Variants in ZNF730 observed in about 807,000 individuals in gnomAD.
The protein encoded by ZNF730 is zinc finger protein 730.
A neutral mutation model predicts 12.6 loss-of-function variants in ZNF730; 12 were observed. The observed-to-expected ratio is 0.95, with a 90% CI of 0.61 to 1.54. The LOEUF (loss-of-function observed/expected upper bound fraction) is 1.54. ZNF730 is among the 40% of genes most tolerant of loss of function. The pLI, the probability that ZNF730 is intolerant of heterozygous loss-of-function variation, is 0.00. For synonymous variants in ZNF730, 194 were observed against 195.8 expected (o/e 0.99, Z 0.08); for missense variants, 643 against 583.5 (o/e 1.10, Z -1.05).
intron 1 of ZNF730, among the ~76,000 whole-genome samples, chr19:23,104,668 C>T (rs1005154381): frequency 2.6e-5 from 4 of 152,128 alleles, no homozygotes; most frequent in African/African-American, 4.8e-5. Flanking sequence ...CAACAGGATG[C>T]AACTGGAGAA....
chr19:23,107,475 A>AAAAAAAC lies in ZNF730; in HGVS notation c.-93-26605_-93-26604insAAAAAAC, dbSNP rs752480467. Among the ~76,000 whole-genome samples, 314 of 118,968 alleles carry AAAAAAAC rather than the reference A, an allele frequency of 2.6e-3. 5 individuals are homozygous for AAAAAAAC. The highest frequency in any genetic ancestry group is 5.0e-3 in the Middle Eastern group (1 of 202). The allele number at this position is 118,968 out of a possible 152,430, so 78.0% of individuals were successfully genotyped here. ...AAAAAAAAAAAAAAAAAAAAAAAAA[A>AAAAAAAC]CCACCACAGCTCTGTTTTTTGTTAT... On this transcript the variant is annotated intron_variant, in intron 1 of 2. Transcript: ENST00000593635.
chr19:23,125,977 A>T (rs1476448061), intron 1 of ZNF730, among the ~76,000 whole-genome samples: 3 of 152,232 alleles, frequency 2.0e-5, no homozygotes, highest in African/African-American at 7.2e-5. Context: ...AGTTTAAGGC[A>T]AACATACTAA....
At chr19:23,101,346 CTG>C (rs951596156) in intron 1 of ZNF730, among the ~76,000 whole-genome samples, 1 of 152,342 alleles carries the variant, frequency 6.6e-6, no homozygotes, top group South Asian at 2.1e-4. Context: ...ACATAAGAGT[CTG>C]TGACTTCACT....
At chr19:23,103,213 A>G (rs1243686599) in intron 1 of ZNF730, among the ~76,000 whole-genome samples, 1 of 152,228 alleles carries the variant, frequency 6.6e-6, no homozygotes, top group African/African-American at 2.4e-5. Flanking sequence ...GAGAGAATAA[A>G]AGGTGGTTTT....
At chr19:23,111,873 T>A (rs199670283) in intron 1 of ZNF730, among the ~76,000 whole-genome samples, 1 of 66,042 alleles carries the variant, frequency 1.5e-5, no homozygotes, top group African/African-American at 5.7e-5. Context: ...GTTGGCCATT[T>A]AAAAATAGTC....
intron 1 of ZNF730, among the ~76,000 whole-genome samples, chr19:23,079,385 C>T (rs562693442): frequency 9.9e-5 from 15 of 151,646 alleles, no homozygotes; most frequent in African/African-American, 3.1e-4. Flanking sequence ...CTCCAACTCC[C>T]GACCTCAGGT....
intron 3 of ZNF730, among the ~76,000 whole-genome samples, chr19:23,137,854 G>GAA (rs1970855141): frequency 6.6e-6 from 1 of 152,118 alleles, no homozygotes; most frequent in Non-Finnish European, 1.5e-5. Flanking sequence ...AAGGGGCTTG[G>GAA]GTAGTTATAA....
chr19:23,122,913 TTAGA>T (rs1347669811), intron 1 of ZNF730, among the ~76,000 whole-genome samples: 1 of 152,236 alleles, frequency 6.6e-6, no homozygotes, highest in South Asian at 2.1e-4. Context: ...TTATTTATAC[TTAGA>T]TATTTATATC....
intron 1 of ZNF730, among the ~76,000 whole-genome samples, chr19:23,122,147 T>G (rs1244829749): frequency 7.2e-6 from 1 of 139,428 alleles, no homozygotes; most frequent in African/African-American, 2.7e-5. Flanking sequence ...TTTTTTTTTT[T>G]TTTTTTTTTT....
intron 3 of ZNF730, chr19:23,143,537 A>T (rs778535989): frequency 6.6e-6 from 1 of 152,142 alleles, no homozygotes; most frequent in Admixed American, 6.5e-5. Context: ...GTTTGATTAT[A>T]TGGTATTTTC....
At chr19:23,088,439 T>C (rs752961281) in intron 1 of ZNF730, among the ~76,000 whole-genome samples, 84 of 152,016 alleles carry the variant, frequency 5.5e-4, no homozygotes, top group Non-Finnish European at 7.6e-4. Flanking sequence ...CCTTGTTTAT[T>C]GAGAGGGGTT....
At chr19:23,112,802 C>T (rs1466010493), upstream of ZNF730, among the ~76,000 whole-genome samples, 5 of 151,632 alleles carry the variant, frequency 3.3e-5, no homozygotes, top group African/African-American at 4.8e-5. Flanking sequence ...GTTGTCTCAT[C>T]AGAAACAGAA....
At chr19:23,101,967 A>G (rs918932703) in intron 1 of ZNF730, among the ~76,000 whole-genome samples, 2 of 152,138 alleles carry the variant, frequency 1.3e-5, no homozygotes, top group African/African-American at 2.4e-5. Context: ...CACTCAGGTT[A>G]TGTGACTACT....
At chr19:23,142,242 T>C (rs920746558) in intron 3 of ZNF730, among the ~76,000 whole-genome samples, 3 of 152,158 alleles carry the variant, frequency 2.0e-5, no homozygotes, top group Non-Finnish European at 4.4e-5. Context: ...TTTTGACCTC[T>C]TCTGCTCTCA....
chr19:23,126,295 G>A (rs1398769814), intron 1 of ZNF730, among the ~76,000 whole-genome samples: 1 of 152,124 alleles, frequency 6.6e-6, no homozygotes, highest in Non-Finnish European at 1.5e-5. Flanking sequence ...CAGTTATAGA[G>A]GCTACTTTAA....
In ZNF730 at chr19:23,117,253, C is replaced by G. The variant is rs1396607235; in HGVS notation, c.3+77C>G. On this transcript the variant is annotated intron_variant, in intron 1 of 3. Coordinates refer to ENST00000597761, the MANE Select transcript of ZNF730 (RefSeq NM_001277403.2). ...CGGTGGGAAGCGGCTGTGGCGGGACCCAGGCCTCCCCGCAGTCAGCTTCAC... is the reference window on the plus strand; with the variant it reads ...CGGTGGGAAGCGGCTGTGGCGGGACGCAGGCCTCCCCGCAGTCAGCTTCAC... 2.5e-6 allele frequency: 4 copies of G among 1,608,828 alleles called. No homozygotes were observed. The East Asian group carries it at 8.9e-5, about 36-fold the overall frequency.
chr19:23,107,119 G>A (rs1970401851), intron 1 of ZNF730, among the ~76,000 whole-genome samples: 1 of 149,670 alleles, frequency 6.7e-6, no homozygotes, highest in South Asian at 2.1e-4. Flanking sequence ...CTGTAGTGCA[G>A]TGGTGCATTC....
upstream of ZNF730, among the ~76,000 whole-genome samples, chr19:23,114,429 C>A (rs566942188): frequency 6.0e-5 from 9 of 150,174 alleles, no homozygotes; most frequent in African/African-American, 2.2e-4. Context: ...GCCTCAGCCT[C>A]CCCAGTAGTT....
At chr19:23,140,656 T>C (rs977817715) in intron 3 of ZNF730, among the ~76,000 whole-genome samples, 1 of 147,934 alleles carries the variant, frequency 6.8e-6, no homozygotes, top group South Asian at 2.2e-4. Flanking sequence ...AAATTTACCA[T>C]CTTAAAACTA....
Sources: allele counts gnomAD v4.1 joint callset (sites outside exome capture counted in the v4.1 genomes callset), GRCh38; gene constraint gnomAD v4.1.1; transcripts MANE v1.5; gene names NCBI Gene and HGNC (gene_info 2026-07-23, HGNC 2026-07-21).